SLC12A2: variants seen among roughly 807,000 people sequenced by gnomAD.
The protein encoded by SLC12A2 is Na-K-2Cl cotransporter 1.
In SLC12A2, 67 loss-of-function variants were observed where a neutral mutation model predicts 136.3. The observed-to-expected ratio is 0.49, with a 90% CI of 0.40 to 0.60. SLC12A2 has a LOEUF of 0.60. SLC12A2 is among the 20% of genes least tolerant of loss of function. The pLI, the probability that SLC12A2 is intolerant of heterozygous loss-of-function variation, is 0.00. For synonymous variants in SLC12A2, 619 were observed against 562.9 expected (o/e 1.10, Z -1.41); for missense variants, 1,322 against 1,534.7 (o/e 0.86, Z 2.32).
At chr5:128,172,305 G>A (rs1389292140) in intron 19 of SLC12A2, among the ~76,000 whole-genome samples, 1 of 152,142 alleles carries the variant, frequency 6.6e-6, no homozygotes, top group Non-Finnish European at 1.5e-5. Context: ...ATAACATCTT[G>A]CCTTATCCTA....
intron 4 of SLC12A2, among the ~76,000 whole-genome samples, chr5:128,126,964 ATATTTTTTT>A (rs1308196246): frequency 4.6e-5 from 1 of 21,684 alleles, no homozygotes; most frequent in South Asian, 1.7e-3. Flanking sequence ...ATATATATAT[ATATTTTTTT>A]TTTTTTTTTT....
intron 9 of SLC12A2, among the ~76,000 whole-genome samples, chr5:128,140,612 G>A (rs558250114): frequency 4.6e-5 from 7 of 152,190 alleles, no homozygotes; most frequent in South Asian, 2.1e-4. Flanking sequence ...AGCAATAGGG[G>A]TAACCCCTTG....
intron 1 of SLC12A2, among the ~76,000 whole-genome samples, chr5:128,112,359 T>C (rs1435526337): frequency 1.3e-5 from 2 of 152,164 alleles, no homozygotes; most frequent in Non-Finnish European, 2.9e-5. Context: ...CCTGCTGTCA[T>C]GGACTATAAA....
In SLC12A2 at chr5:128,083,953, C is replaced by T. The variant is rs1759904511; in HGVS notation, c.-2C>T. On this transcript the variant is annotated 5_prime_UTR_variant, in exon 1 of 27. Coordinates refer to ENST00000262461, the MANE Select transcript of SLC12A2 (RefSeq NM_001046.3). ...TGCAGTTCCGCCGGGGGTCGGGCAGCTATGGAGCCGCGGCCCACGGCGCCC... is the reference window on the plus strand; with the variant it reads ...TGCAGTTCCGCCGGGGGTCGGGCAGTTATGGAGCCGCGGCCCACGGCGCCC... 8.1e-7 allele frequency: 1 copy of T among 1,234,774 alleles called. No homozygotes were observed. Among genetic ancestry groups the T allele is most frequent in the Non-Finnish European group, 1.0e-6 (1 of 988,690 alleles). 76.5% of individuals were successfully genotyped at this position (1,234,774 alleles called of 1,614,324 possible). A position where few individuals can be genotyped will look rare whatever the true frequency, so the allele number is the denominator to read the frequency against.
At chr5:128,124,591 G>A (rs1188484738) in intron 4 of SLC12A2, among the ~76,000 whole-genome samples, 2 of 152,154 alleles carry the variant, frequency 1.3e-5, no homozygotes, top group Non-Finnish European at 2.9e-5. Flanking sequence ...ATGGGAGAAG[G>A]GATGCAGAGC....
intron 4 of SLC12A2, among the ~76,000 whole-genome samples, chr5:128,116,446 A>G (rs568551698): frequency 5.2e-4 from 79 of 150,684 alleles, no homozygotes; most frequent in Admixed American, 1.3e-3. Context: ...TGCCTGATAG[A>G]CTTTGTGTGC....
At chr5:128,110,619 A>G (rs1179137461) in intron 1 of SLC12A2, 2 of 1,066,676 alleles carry the variant, frequency 1.9e-6, no homozygotes, top group East Asian at 2.4e-5. Flanking sequence ...ATCACCTGCC[A>G]TATTTACTAG....
chr5:128,137,654 G>A (rs925992820), intron 7 of SLC12A2, among the ~76,000 whole-genome samples: 2 of 152,188 alleles, frequency 1.3e-5, no homozygotes, highest in Non-Finnish European at 2.9e-5. Flanking sequence ...TACAGGACCT[G>A]ACACATAGTA....
Position 128,187,771 on chromosome 5 carries a change from T to A in SLC12A2, c.*1140T>A, listed in dbSNP as rs1004972802. 6.6e-6 allele frequency: 1 copy of A among 152,566 alleles called. No homozygotes were observed. Among genetic ancestry groups the A allele is most frequent in the Non-Finnish European group, 1.5e-5 (1 of 68,000 alleles). The allele number at this position is 152,566 out of a possible 1,614,324, so 9.5% of individuals were successfully genotyped here. A position where few individuals can be genotyped will look rare whatever the true frequency, so the allele number is the denominator to read the frequency against. ...TAAAATTTAATCCATTCTTAATATT[T>A]TAAAACTTTTGTTAAGAAAAACTGC... On this transcript the variant is annotated 3_prime_UTR_variant, in exon 27 of 27. Coordinates refer to ENST00000262461, the MANE Select transcript of SLC12A2 (RefSeq NM_001046.3).
At chr5:128,103,957 A>G (rs1242715731) in intron 1 of SLC12A2, among the ~76,000 whole-genome samples, 1 of 152,232 alleles carries the variant, frequency 6.6e-6, no homozygotes, top group Non-Finnish European at 1.5e-5. Flanking sequence ...AGTCAGACTA[A>G]TATTTGCCTT....
chr5:128,175,105 C>G (rs1171606501), intron 20 of SLC12A2, among the ~76,000 whole-genome samples: 1 of 152,076 alleles, frequency 6.6e-6, no homozygotes, highest in African/African-American at 2.4e-5. Context: ...TCTCCTACCT[C>G]TGTTCAGTCT....
At chr5:128,124,742 T>TA (rs1761719446) in intron 4 of SLC12A2, among the ~76,000 whole-genome samples, 1 of 152,074 alleles carries the variant, frequency 6.6e-6, no homozygotes, top group South Asian at 2.1e-4. Context: ...GCTCAATTTC[T>TA]AGTGCCTCTC....
rs529000630 is a variant in SLC12A2 at position 128,134,511 on chromosome 5, G to A, written c.1299+236G>A. 2.0e-4 allele frequency among the ~76,000 whole-genome samples: 30 copies of A among 152,070 alleles called. 1 individual carries two copies. Among genetic ancestry groups the A allele is most frequent in the South Asian group, 1.9e-3 (9 of 4,822 alleles). On this transcript the variant is annotated intron_variant, in intron 6 of 26. Coordinates refer to ENST00000262461, the MANE Select transcript of SLC12A2 (RefSeq NM_001046.3). ...GTACTTTGTAAATTTTGAATTTCCCGCCTTCTCGCCCATCCTCCAGTTTTG... is the reference window on the plus strand; with the variant it reads ...GTACTTTGTAAATTTTGAATTTCCCACCTTCTCGCCCATCCTCCAGTTTTG...
At chr5:128,099,681 A>T (rs1421428804) in intron 1 of SLC12A2, among the ~76,000 whole-genome samples, 2 of 152,090 alleles carry the variant, frequency 1.3e-5, no homozygotes, top group Non-Finnish European at 2.9e-5. Context: ...TTCTATTTTT[A>T]AAAATTTTAG....
rs1763800857 is a variant in SLC12A2, at chr5:128,184,346, ATTCT to A, written c.3300-15_3300-12del. On this transcript the variant is annotated splice_polypyrimidine_tract_variant and intron_variant, in intron 24 of 26. Transcript: ENST00000262461. The stretch of plus-strand genomic sequence containing the variant: ...ACTTAAAATAAGATTAGTTGTCAGT[ATTCT>A]TTCTGTTTTTTAAAGTATTATAGCT... The A allele has an allele frequency of 9.1e-6, 13 of 1,426,606 alleles. No homozygotes were observed. The East Asian group carries it at 2.2e-4, about 24-fold the overall frequency. The allele number at this position is 1,426,606 out of a possible 1,614,324, so 88.4% of individuals were successfully genotyped here. A position where few individuals can be genotyped will look rare whatever the true frequency, so the allele number is the denominator to read the frequency against.
chr5:128,131,708 A>G (rs1410955521), intron 5 of SLC12A2, among the ~76,000 whole-genome samples: 1 of 151,260 alleles, frequency 6.6e-6, no homozygotes, highest in Non-Finnish European at 1.5e-5. Context: ...CGTCTCGGAA[A>G]AATAAAGAAA....
At chr5:128,171,889 CT>C in intron 19 of SLC12A2, 143 bp downstream of exon 19, 1 of 527,856 alleles carries the variant, frequency 1.9e-6, no homozygotes, top group Non-Finnish European at 3.2e-6. Flanking sequence ...AAGATCACAT[CT>C]GTTTGGCTCC....
chr5:128,115,333 C>T (rs1009109519), intron 4 of SLC12A2, among the ~76,000 whole-genome samples: 1 of 152,142 alleles, frequency 6.6e-6, no homozygotes, highest in Admixed American at 6.5e-5. Context: ...CCATGTTGGC[C>T]AGGCTGGGCT....
intron 10 of SLC12A2, 43 bp from the exon 11 acceptor site, chr5:128,147,579 G>A: frequency 8.0e-7 from 1 of 1,254,556 alleles, no homozygotes; most frequent in African/African-American, 1.5e-5. Flanking sequence ...TTTCTGAATT[G>A]TTTGTGAGAT....
Sources: gnomAD v4.1 joint callset for allele counts (sites outside exome capture counted in the v4.1 genomes callset) on GRCh38, gnomAD v4.1.1 for gene constraint, MANE v1.5 for transcripts, NCBI Gene and HGNC (gene_info 2026-07-23, HGNC 2026-07-21) for gene names.